The following MANBA variants were observed in gnomAD, a reference collection of about 807,000 sequenced individuals.
The protein encoded by MANBA is mannosidase beta, also known as beta-mannosidase.
Under a neutral mutation model 111.1 loss-of-function variants are expected in MANBA, and 83 were observed. That is an observed-to-expected ratio of 0.75 (90% confidence interval 0.63 to 0.90). MANBA has a LOEUF of 0.90. Ranked by LOEUF, MANBA falls within the 40% of genes least tolerant of loss-of-function variation. The pLI, the probability that MANBA is intolerant of heterozygous loss-of-function variation, is 0.00. For missense variants in MANBA, 1,036 were observed against 1,069.0 expected (o/e 0.97, Z 0.43); for synonymous variants, 370 against 378.7 (o/e 0.98, Z 0.27).
rs371551689 is a variant in MANBA at position 102,678,679 on chromosome 4, T to C, written c.961-4609A>G. On this transcript the variant is annotated intron_variant, in intron 7 of 16. Transcript: ENST00000647097. Reference sequence around the variant, plus strand: ...GTTTCTATTCCTCACTAGATCAGTGTTTTTATTAGCTTCAAAAAGATTTCA... The same window carrying C: ...GTTTCTATTCCTCACTAGATCAGTGCTTTTATTAGCTTCAAAAAGATTTCA... Among the ~76,000 whole-genome samples the C allele has an allele frequency of 2.0e-5, 3 of 152,210 alleles. No homozygotes were observed. The East Asian group carries it at 5.8e-4, about 29-fold the overall frequency.
At chr4:102,698,345 A>C (rs1379852131) in intron 5 of MANBA, among the ~76,000 whole-genome samples, 2 of 151,086 alleles carry the variant, frequency 1.3e-5, no homozygotes, top group South Asian at 2.1e-4. Flanking sequence ...TGCTGTGCAG[A>C]AGCTCTTTAG....
At chr4:102,729,896 C>T in intron 1 of MANBA, 4 of 1,530,414 alleles carry the variant, frequency 2.6e-6, no homozygotes, top group Middle Eastern at 1.8e-4. Context: ...TGATCTGCTG[C>T]TTCTCCTGGG....
intron 1 of MANBA, among the ~76,000 whole-genome samples, chr4:102,742,113 T>G (rs1354290246): frequency 1.3e-5 from 2 of 152,200 alleles, no homozygotes. Context: ...GATTTTGTCT[T>G]GATAGTCTGG....
chr4:102,724,521 T>A (rs900088194), intron 2 of MANBA, among the ~76,000 whole-genome samples: 2 of 145,374 alleles, frequency 1.4e-5, no homozygotes, highest in African/African-American at 2.6e-5. Context: ...ATCCCACCAC[T>A]GCACTTGCAA....
intron 13 of MANBA, among the ~76,000 whole-genome samples, chr4:102,649,197 A>C (rs947176491): frequency 1.3e-5 from 2 of 152,188 alleles, no homozygotes; most frequent in African/African-American, 4.8e-5. Context: ...GCTATTGTGA[A>C]TAATGCTGCT....
intron 1 of MANBA, chr4:102,751,685 A>G: frequency 1.8e-6 from 1 of 542,708 alleles, no homozygotes; most frequent in East Asian, 5.3e-5. Context: ...AGCCAGAGCA[A>G]TGCATGTTCC....
intron 4 of MANBA, among the ~76,000 whole-genome samples, chr4:102,720,019 T>C (rs148829982): frequency 2.0e-5 from 3 of 152,354 alleles, no homozygotes; most frequent in Admixed American, 1.3e-4. Context: ...ACAAATTGAA[T>C]AGAGGGTGGA....
At chr4:102,717,186 C>T (rs1039707064) in intron 4 of MANBA, among the ~76,000 whole-genome samples, 1 of 152,134 alleles carries the variant, frequency 6.6e-6, no homozygotes, top group Non-Finnish European at 1.5e-5. Context: ...ATGTTTCAGG[C>T]TGGGAGTACT....
chr4:102,642,809 T>C lies in MANBA; in HGVS notation c.1870-2952A>G, dbSNP rs73834873. Among the ~76,000 whole-genome samples, 678 of 152,150 alleles carry C rather than the reference T, an allele frequency of 4.5e-3. 4 individuals carry two copies. Among genetic ancestry groups the C allele is most frequent in the African/African-American group, 0.015 (635 of 41,498 alleles). On this transcript the variant is annotated intron_variant, in intron 13 of 16. Coordinates refer to ENST00000647097, the MANE Select transcript of MANBA (RefSeq NM_005908.4). ...ATCCCTTTCCTCCAGAGTGATGGAG[T>C]TGTAGCTGGACTACATTTTCCAGAA...
intron 13 of MANBA, among the ~76,000 whole-genome samples, 190 bp downstream of exon 13, chr4:102,650,347 A>C (rs1730274430): frequency 5.9e-5 from 9 of 152,242 alleles, no homozygotes; most frequent in Admixed American, 5.9e-4. Context: ...TTTTTGTAAG[A>C]GAGGCAAATG....
intron 8 of MANBA, among the ~76,000 whole-genome samples, chr4:102,673,015 T>C (rs1731560764): frequency 7.4e-6 from 1 of 134,758 alleles, no homozygotes; most frequent in Non-Finnish European, 1.5e-5. Context: ...AATAGCACAA[T>C]TTTTTTAACC....
At chr4:102,724,045 C>T (rs898230253) in intron 2 of MANBA, 78 bp from the exon 3 acceptor site, 6 of 774,360 alleles carry the variant, frequency 7.7e-6, no homozygotes, top group Non-Finnish European at 1.3e-5. Context: ...TTATTTAAGG[C>T]CTAAAGAAAT....
chr4:102,719,078 C>T (rs1228273581), intron 4 of MANBA, among the ~76,000 whole-genome samples: 1 of 152,134 alleles, frequency 6.6e-6, no homozygotes, highest in Admixed American at 6.5e-5. Context: ...TAGAATTTAC[C>T]AGGCTGGAAT....
intron 1 of MANBA, chr4:102,729,389 C>T (rs1272577142): frequency 4.7e-6 from 4 of 855,196 alleles, no homozygotes; most frequent in Non-Finnish European, 7.9e-6. Flanking sequence ...GCCTTGACCT[C>T]AGCGATGATG....
intron 1 of MANBA, chr4:102,729,787 G>A (rs1722960075): frequency 3.4e-6 from 4 of 1,189,840 alleles, no homozygotes; most frequent in Non-Finnish European, 5.0e-6. Context: ...GCCATCTTCT[G>A]CTGCTGCAGG....
At chr4:102,650,384 T>C (rs549440705) in intron 13 of MANBA, among the ~76,000 whole-genome samples, 153 bp downstream of exon 13, 3 of 152,372 alleles carry the variant, frequency 2.0e-5, no homozygotes, top group African/African-American at 7.2e-5. Flanking sequence ...TCATGTCCTA[T>C]GTGTCATCAT....
chr4:102,700,664 C>T (rs1180568557), intron 5 of MANBA, among the ~76,000 whole-genome samples: 2 of 152,000 alleles, frequency 1.3e-5, no homozygotes, highest in African/African-American at 2.4e-5. Flanking sequence ...TGTAGTTGAG[C>T]GGTTTTGAGT....
In MANBA at chr4:102,690,725, A is replaced by T. The variant is rs1157115935; in HGVS notation, c.720T>A (p.Asp240Glu). The change falls in exon 6 of 17, where the codon GAT becomes GAA. Residue 240 changes from aspartate (D) to glutamate (E), a missense_variant. Asp to Glu is a conservative substitution (Grantham distance 45, BLOSUM62 2). Transcript: ENST00000647097. ...EWNLEIESTF[D>E]VVSSKPVGGQ... ...CACCAACTGGCTTTGAGCTGACAACATCAAATGTAGACTCTATTTCCAGAT... is the reference window on the plus strand; with the variant it reads ...CACCAACTGGCTTTGAGCTGACAACTTCAAATGTAGACTCTATTTCCAGAT... The T allele has an allele frequency of 6.2e-7, 1 of 1,603,480 alleles. No homozygotes were observed. The highest frequency in any genetic ancestry group is 1.7e-5 in the Admixed American group (1 of 59,456).
chr4:102,667,801 A>G (rs904841765), intron 10 of MANBA: 1 of 152,246 alleles, frequency 6.6e-6, no homozygotes, highest in Non-Finnish European at 1.5e-5. Context: ...GTCAATAATT[A>G]TCCACATTGT....
Sources: allele counts gnomAD v4.1 joint callset (sites outside exome capture counted in the v4.1 genomes callset), GRCh38; gene constraint gnomAD v4.1.1; transcripts MANE v1.5; gene names NCBI Gene and HGNC (gene_info 2026-07-23, HGNC 2026-07-21).